Variants in TCOF1 observed in about 807,000 individuals in gnomAD.
TCOF1 encodes treacle protein.
A neutral mutation model predicts 149.0 loss-of-function variants in TCOF1; 33 were observed. The ratio of observed to expected loss-of-function variants is 0.22; its 90% CI spans 0.17 to 0.30. The LOEUF (loss-of-function observed/expected upper bound fraction) is 0.30. Among genes scored for constraint, TCOF1 ranks in the 10% least tolerant of loss-of-function variants. TCOF1 has a pLI of 1.00. For synonymous variants in TCOF1, 789 were observed against 738.8 expected, an observed-to-expected ratio of 1.07 and a Z score of -1.10; for missense variants, 1,728 against 1,840.7, an observed-to-expected ratio of 0.94 and a Z score of 1.12.
chr5:150,357,785 G>T lies in TCOF1; in HGVS notation c.39G>T (p.Leu13=). 6.5e-7 allele frequency: 1 copy of T among 1,549,782 alleles called. No homozygotes were observed. The highest frequency in any genetic ancestry group is 8.7e-7 in the Non-Finnish European group (1 of 1,146,596). ...EARKRRELLP[L]IYHHLLRAGY... ...GGAAGCGGCGGGAGCTACTTCCCCT[G>T]ATCTACCACCATCTGCTGCGGGCTG... The change falls in exon 1 of 27, where the codon CTG becomes CTT. Residue 13 remains leucine, a synonymous_variant. Coordinates refer to ENST00000643257, the MANE Select transcript of TCOF1 (RefSeq NM_001371623.1).
Position 150,396,698 on chromosome 5 carries a change from AAGG to A in TCOF1, c.4204_4206del (p.Glu1402del), listed in dbSNP as rs771124674. ...GAGAGACAAAGCAAGTGGTGATGTCAAGGAGAAGAAAGGGAAGGGGTCTCTTGG... is the reference window on the plus strand; with the variant it reads ...GAGAGACAAAGCAAGTGGTGATGTCAAGAAGAAAGGGAAGGGGTCTCTTGG... On this transcript the variant is annotated inframe_deletion, in exon 24 of 27. Coordinates refer to ENST00000643257, the MANE Select transcript of TCOF1 (RefSeq NM_001371623.1). 8 of 1,612,626 alleles carry A rather than the reference AAGG, an allele frequency of 5.0e-6. No homozygotes were observed. The highest frequency in any genetic ancestry group is 1.6e-4 in the Middle Eastern group (1 of 6,068).
At position 150,385,314 on chromosome 5, in the gene TCOF1, T is replaced by C. The variant is rs141556986; in HGVS notation, c.2860-2588T>C. On this transcript the variant is annotated intron_variant, in intron 17 of 26. Transcript: ENST00000643257. ...CATTGAGGCCTAGCATAATTGGTTC[T>C]AGAAGGAGCTCCAGTCTGGTGCCTG... Among the ~76,000 whole-genome samples, 367 of 152,350 alleles carry C rather than the reference T, an allele frequency of 2.4e-3. 2 individuals are homozygous for C. Among genetic ancestry groups the C allele is most frequent in the African/African-American group, 8.4e-3 (351 of 41,580 alleles).
At chr5:150,384,948 G>A in intron 17 of TCOF1, 2 of 985,402 alleles carry the variant, frequency 2.0e-6, no homozygotes, top group Non-Finnish European at 2.4e-6. Context: ...GGGAGGCAGG[G>A]ATAGATACCT....
At chr5:150,382,067 C>G (rs1461486616) in intron 17 of TCOF1, among the ~76,000 whole-genome samples, 1 of 152,158 alleles carries the variant, frequency 6.6e-6, no homozygotes, top group African/African-American at 2.4e-5. Context: ...CTGGTGGCAC[C>G]AGCCTATAAT....
rs961134137 is a variant in TCOF1 at position 150,398,940 on chromosome 5, C to T, written c.4444-82C>T. ...ACCCAGTATCTATTCTAGGGGAATT[C>T]ACTAGTCCTCAGGAGGTGGGGGCAG... On this transcript the variant is annotated intron_variant, in intron 25 of 26. Transcript: ENST00000643257. The T allele has an allele frequency of 5.0e-6, 8 of 1,598,696 alleles. No individual in the cohort carries two copies. In the African/African-American group the frequency reaches 1.1e-4, roughly 21 times the overall value.
intron 26 of TCOF1, 148 bp downstream of exon 26, chr5:150,399,218 G>T (rs1769264242): frequency 9.4e-7 from 1 of 1,062,932 alleles, no homozygotes; most frequent in East Asian, 2.6e-5. Context: ...GGGTCCATGG[G>T]GCCACTGGGG....
intron 17 of TCOF1, 129 bp from the exon 18 acceptor site, chr5:150,387,773 G>A: frequency 7.7e-7 from 1 of 1,303,540 alleles, no homozygotes; most frequent in East Asian, 2.5e-5. Context: ...AGCTGGAATG[G>A]CTTCTGTGCC....
At chr5:150,374,506 C>T (rs1763264158) in intron 8 of TCOF1, 111 bp from the exon 9 acceptor site, 1 of 1,569,436 alleles carries the variant, frequency 6.4e-7, no homozygotes, top group African/African-American at 1.4e-5. Flanking sequence ...GCCCCTTACT[C>T]CCCTCTCACT....
At chr5:150,367,770 A>G in intron 3 of TCOF1, 74 bp from the exon 4 acceptor site, 6 of 1,546,612 alleles carry the variant, frequency 3.9e-6, no homozygotes, top group Non-Finnish European at 5.3e-6. Context: ...TTGTTAGGTG[A>G]GATGAAACCT....
Position 150,392,147 on chromosome 5 carries a change from C to T in TCOF1, c.3488C>T (p.Pro1163Leu), listed in dbSNP as rs1220894126. 6 of 1,614,020 alleles carry T rather than the reference C, an allele frequency of 3.7e-6. No individual in the cohort carries two copies. In the Admixed American group the frequency reaches 6.7e-5, roughly 18 times the overall value. Residue 1163 changes from proline to leucine, a missense_variant, in exon 21 of 27, where the codon CCC becomes CTC. By Grantham distance (98) the Pro-to-Leu change is moderately conservative. This residue lies in a region of TCOF1 where 1,696 missense variants were observed against 1,765.4 expected (regional missense o/e 0.96). Transcript: ENST00000643257. ...GGGAGTGAGGAAGATGGTGAAGGGC[C>T]CCAGGGGGCCAAGTCAGCCCACACG... is the stretch of plus-strand genomic sequence containing the variant. ...SSGSEEDGEG[P>L]QGAKSAHTLV...
intron 6 of TCOF1, 61 bp downstream of exon 6, chr5:150,369,663 G>T: frequency 6.3e-7 from 1 of 1,584,742 alleles, no homozygotes; most frequent in Middle Eastern, 1.7e-4. Context: ...CCAGGAACCT[G>T]TCTGGGGCTT....
chr5:150,385,042 A>C lies in TCOF1; in HGVS notation c.2860-2860A>C, dbSNP rs183973829. 67 of 985,420 alleles carry C rather than the reference A, an allele frequency of 6.8e-5. 1 individual carries two copies. The highest frequency in any genetic ancestry group is 4.3e-4 in the Admixed American group (7 of 16,288). The allele number at this position is 985,420 out of a possible 1,614,324, so 61.0% of individuals were successfully genotyped here. On this transcript the variant is annotated intron_variant, in intron 17 of 26. Transcript: ENST00000643257. ...GGCCAGAGTCTGTGCTGGGGTCAGG[A>C]CAGCTTCCAGATTTAAAAACAAGTA...
At chr5:150,381,776 A>G (rs1005273252) in intron 17 of TCOF1, among the ~76,000 whole-genome samples, 2 of 152,260 alleles carry the variant, frequency 1.3e-5, no homozygotes, top group East Asian at 3.8e-4. Flanking sequence ...CTTAAAGTGC[A>G]CAAAGTCCCA....
chr5:150,377,822 A>T (rs929778916), intron 14 of TCOF1, among the ~76,000 whole-genome samples: 1 of 151,958 alleles, frequency 6.6e-6, no homozygotes, highest in African/African-American at 2.4e-5. Context: ...TGGGTGTTTT[A>T]TTTTTATTTT....
rs936556559 is a variant in TCOF1, at chr5:150,374,404, A to G, written c.1083+18A>G. 43 of 1,551,180 alleles carry G rather than the reference A, an allele frequency of 2.8e-5. No homozygotes were observed. The highest frequency in any genetic ancestry group is 3.6e-5 in the Non-Finnish European group (41 of 1,147,466). ...TGCTTCAGGTGAGGCCTGAGGAGGG[A>G]GACTCCATGCAGCCAGGCCCGTCCC... On this transcript the variant is annotated intron_variant, in intron 8 of 26. Coordinates refer to ENST00000643257, the MANE Select transcript of TCOF1 (RefSeq NM_001371623.1).
Position 150,361,232 on chromosome 5 carries a change from G to A in TCOF1, c.164+21G>A, listed in dbSNP as rs747880186. On this transcript the variant is annotated intron_variant, in intron 2 of 26. Transcript: ENST00000643257. ...CAACAGTAAGTGGTGGGGCCTATAG[G>A]GTGGAGTAGGGACGGACACCCCAAG... The A allele has an allele frequency of 1.1e-5, 18 of 1,614,004 alleles. No individual in the cohort carries two copies. In the East Asian group the frequency reaches 3.8e-4, roughly 34 times the overall value.
chr5:150,377,596 A>AT (rs1006895353), intron 14 of TCOF1, among the ~76,000 whole-genome samples: 15 of 151,268 alleles, frequency 9.9e-5, no homozygotes, highest in East Asian at 3.9e-4. Context: ...ATTTCTACTG[A>AT]TTTTTTTTTG....
In TCOF1 at chr5:150,396,802, C is replaced by G; in HGVS notation, c.4305C>G (p.Ser1435Arg). The change falls in exon 24 of 27, where the codon AGC (serine) becomes AGG (arginine). Residue 1435 changes from serine to arginine, a missense_variant. Ser to Arg is a moderately radical substitution (Grantham distance 110). This residue lies in a region of TCOF1 where 1,696 missense variants were observed against 1,765.4 expected (regional missense o/e 0.96). Coordinates refer to ENST00000643257, the MANE Select transcript of TCOF1 (RefSeq NM_001371623.1). Reference protein sequence around the residue: ...GMGTVEGGDQSNPKSKKEKKK... With the variant: ...GMGTVEGGDQRNPKSKKEKKK... ...GGACGGTTGAAGGTGGAGATCAAAG[C>G]AACCCAAAGAGCAAGAAGGAGAAGA... 6.2e-7 allele frequency: 1 copy of G among 1,609,716 alleles called. No homozygotes were observed. Among genetic ancestry groups the G allele is most frequent in the Non-Finnish European group, 8.5e-7 (1 of 1,178,474 alleles).
rs539604846 is a variant in TCOF1, at chr5:150,392,654, C to T, written c.3518-51C>T. 4.9e-5 allele frequency: 79 copies of T among 1,601,562 alleles called. No homozygotes were observed. The African/African-American group carries it at 7.5e-4, about 15-fold the overall frequency. On this transcript the variant is annotated intron_variant, in intron 21 of 26. Coordinates refer to ENST00000643257, the MANE Select transcript of TCOF1 (RefSeq NM_001371623.1). ...CCTTCCTGAAGGGCTCTGCCCTTCC[C>T]GGCTGGCAGGGGCCACCTGGGGCTA...
Sources: gnomAD v4.1 joint callset for allele counts (sites outside exome capture counted in the v4.1 genomes callset) on GRCh38, gnomAD v4.1.1 for gene constraint, gnomAD v4.1.1 regional missense constraint, MANE v1.5 for transcripts, NCBI Gene and HGNC (gene_info 2026-07-23, HGNC 2026-07-21) for gene names.